EDARADD: variants seen among roughly 807,000 people sequenced by gnomAD.
EDARADD encodes EDAR associated via death domain.
EDARADD carries 20 observed loss-of-function variants against 25.6 expected under a neutral mutation model. The observed-to-expected ratio is 0.78, with a 90% confidence interval of 0.55 to 1.14. The LOEUF is 1.14. Ranked by LOEUF, EDARADD falls within the 50% of genes most tolerant of loss-of-function variation. The probability of loss-of-function intolerance (pLI) is 0.00; values close to 1 mark genes in which losing one functional copy is unlikely to be tolerated. For missense variants in EDARADD, 225 were observed against 270.1 expected, an observed-to-expected ratio of 0.83 and a Z score of 1.17; for synonymous variants, 86 against 94.4, an observed-to-expected ratio of 0.91 and a Z score of 0.52.
intron 5 of EDARADD, among the ~76,000 whole-genome samples, chr1:236,477,419 G>A (rs1056276628): frequency 6.6e-6 from 1 of 152,158 alleles, no homozygotes; most frequent in Admixed American, 6.5e-5. Context: ...GGAGGCTCAG[G>A]CAGGAGCAGA....
Position 236,483,080 on chromosome 1 carries a change from C to T in EDARADD, c.*431C>T. ...GCCATTCCCACGGTTTCAAAGAAAACAGCTACAAGGAATGCTTACCTGAGT... is the reference window on the plus strand; with the variant it reads ...GCCATTCCCACGGTTTCAAAGAAAATAGCTACAAGGAATGCTTACCTGAGT... On this transcript the variant is annotated 3_prime_UTR_variant, in exon 6 of 6. Transcript: ENST00000334232. 1 of 899,890 alleles carries T rather than the reference C, an allele frequency of 1.1e-6. No individual in the cohort carries two copies. Among genetic ancestry groups the T allele is most frequent in the Non-Finnish European group, 1.7e-6 (1 of 571,500 alleles). The allele number at this position is 899,890 out of a possible 1,614,324, so 55.7% of individuals were successfully genotyped here.
At chr1:236,459,545 G>A (rs375803684) in intron 4 of EDARADD, among the ~76,000 whole-genome samples, 2 of 151,494 alleles carry the variant, frequency 1.3e-5, no homozygotes, top group South Asian at 4.2e-4. Context: ...GAAACCCACA[G>A]GTTTGCTGTA....
intron 3 of EDARADD, among the ~76,000 whole-genome samples, chr1:236,372,071 C>G (rs756787903): frequency 2.6e-5 from 4 of 152,060 alleles, no homozygotes; most frequent in African/African-American, 7.2e-5. Flanking sequence ...ATTCTATTGT[C>G]TCAGCTTCCT....
At chr1:236,366,756 C>T (rs1351315544) in intron 3 of EDARADD, among the ~76,000 whole-genome samples, 1 of 94,098 alleles carries the variant, frequency 1.1e-5, no homozygotes, top group Admixed American at 1.0e-4. Context: ...TTTTGTCTCT[C>T]AGGGATCATT....
intron 4 of EDARADD, among the ~76,000 whole-genome samples, chr1:236,466,839 T>C (rs768046967): frequency 4.6e-5 from 7 of 152,150 alleles, no homozygotes; most frequent in South Asian, 2.1e-4. Flanking sequence ...GAGGCCAAGG[T>C]GGGCGGATCA....
intron 3 of EDARADD, among the ~76,000 whole-genome samples, chr1:236,353,896 T>A (rs922314915): frequency 3.9e-5 from 6 of 152,054 alleles, no homozygotes; most frequent in Admixed American, 2.6e-4. Flanking sequence ...AAAAGTTTTT[T>A]TTTGCAAGAG....
intron 5 of EDARADD, among the ~76,000 whole-genome samples, chr1:236,470,224 G>A (rs1451047330): frequency 6.6e-6 from 1 of 152,200 alleles, no homozygotes; most frequent in African/African-American, 2.4e-5. Flanking sequence ...ATGTTGGTAA[G>A]TATACCTTGC....
rs535630324 is a variant in EDARADD at position 236,398,313 on chromosome 1, T to C, written c.61+3808T>C. On this transcript the variant is annotated intron_variant, in intron 1 of 5. Transcript: ENST00000334232. This position sits in a 1 kb window ranked among gnomAD's most constrained non-coding sequence, Gnocchi z 4.1. ...CTAATTTTTTGTATTTTTAGGCTGG[T>C]CTCGAACTCCTGACCTCAAGTGATC... 6.6e-6 allele frequency among the ~76,000 whole-genome samples: 1 copy of C among 152,186 alleles called. No individual in the cohort carries two copies. Among genetic ancestry groups the C allele is most frequent in the East Asian group, 1.9e-4 (1 of 5,162 alleles).
At position 236,366,741 on chromosome 1, in the gene EDARADD, C is replaced by CTCTCTTTTTTTTTTT. The variant is rs146073425; in HGVS notation, c.-6+15903_-6+15904insCTCTTTTTTTTTTTT. ...CCTGGGTCAGAGAGCTCATCTCTCT[C>CTCTCTTTTTTTTTTT]TTTTTTTTGTCTCTCAGGGATCATT... On this transcript the variant is annotated intron_variant, in intron 3 of 7. Transcript: ENST00000439430. 5.5e-3 allele frequency among the ~76,000 whole-genome samples: 798 copies of CTCTCTTTTTTTTTTT among 144,210 alleles called. 9 individuals are homozygous for CTCTCTTTTTTTTTTT. The highest frequency in any genetic ancestry group is 0.018 in the African/African-American group (695 of 39,688). The allele number at this position is 144,210 out of a possible 152,430, so 94.6% of individuals were successfully genotyped here.
chr1:236,409,756 G>C (rs553943676), intron 2 of EDARADD, among the ~76,000 whole-genome samples: 1 of 151,364 alleles, frequency 6.6e-6, no homozygotes, highest in Non-Finnish European at 1.5e-5. Flanking sequence ...TAGAGTGGGG[G>C]TTTCACCATG....
chr1:236,483,815 C>T lies in EDARADD; in HGVS notation c.*1166C>T. The T allele has an allele frequency of 1.4e-6, 2 of 1,437,718 alleles. No homozygotes were observed. Among genetic ancestry groups the T allele is most frequent in the Middle Eastern group, 1.8e-4 (1 of 5,642 alleles). The allele number at this position is 1,437,718 out of a possible 1,614,324, so 89.1% of individuals were successfully genotyped here. On this transcript the variant is annotated 3_prime_UTR_variant, in exon 6 of 6. Coordinates refer to ENST00000334232, the MANE Select transcript of EDARADD (RefSeq NM_145861.4). ...ATGGAGGCGCGTTTGCTCCCAACAT[C>T]CTGGAGAATAAAGAAGGCCTGGAGC...
At chr1:236,414,845 C>G (rs1209964657) in intron 3 of EDARADD, among the ~76,000 whole-genome samples, 1 of 152,006 alleles carries the variant, frequency 6.6e-6, no homozygotes, top group Non-Finnish European at 1.5e-5. Flanking sequence ...TGCACTCCAG[C>G]CTGGGCAACA....
At chr1:236,408,484 G>A (rs549160071) in intron 1 of EDARADD, among the ~76,000 whole-genome samples, 3 of 152,140 alleles carry the variant, frequency 2.0e-5, no homozygotes, top group South Asian at 2.1e-4. Context: ...GATTACAGGC[G>A]TGAGCCACTG....
Position 236,454,084 on chromosome 1 carries a change from T to C in EDARADD, c.220-14147T>C, listed in dbSNP as rs369874884. On this transcript the variant is annotated intron_variant, in intron 4 of 5. Transcript: ENST00000334232. The stretch of plus-strand genomic sequence containing the variant: ...TTTTTGAGACAGAGTCTCGCTCTGT[T>C]GCCCAGGCTGGAGTGCAGTGGCGTG... Among the ~76,000 whole-genome samples the C allele has an allele frequency of 5.9e-5, 9 of 152,256 alleles. No homozygotes were observed. In the East Asian group the frequency reaches 1.7e-3, roughly 29 times the overall value.
intron 3 of EDARADD, among the ~76,000 whole-genome samples, chr1:236,363,593 A>T (rs1338514001): frequency 6.6e-6 from 1 of 151,592 alleles, no homozygotes; most frequent in Non-Finnish European, 1.5e-5. Context: ...ATTTTTACTT[A>T]AAAAAATAAG....
chr1:236,434,522 G>A (rs912325607), intron 4 of EDARADD, among the ~76,000 whole-genome samples: 4 of 152,202 alleles, frequency 2.6e-5, no homozygotes, highest in African/African-American at 9.6e-5. Flanking sequence ...TTATAGGCGT[G>A]AGCCACTGTG....
At chr1:236,350,252 C>T (rs1391996584) in intron 2 of EDARADD, among the ~76,000 whole-genome samples, 1 of 152,116 alleles carries the variant, frequency 6.6e-6, no homozygotes, top group Non-Finnish European at 1.5e-5. Flanking sequence ...TTTTGATTTT[C>T]TTCCTTGTTA....
At chr1:236,419,834 A>G (rs1657735426) in intron 3 of EDARADD, among the ~76,000 whole-genome samples, 1 of 152,232 alleles carries the variant, frequency 6.6e-6, no homozygotes, top group African/African-American at 2.4e-5. Flanking sequence ...GACAATGAAT[A>G]TACATGGTCC....
At chr1:236,416,251 G>A (rs1657638308) in intron 3 of EDARADD, among the ~76,000 whole-genome samples, 1 of 152,184 alleles carries the variant, frequency 6.6e-6, no homozygotes, top group Non-Finnish European at 1.5e-5. Flanking sequence ...ATCGAGAATG[G>A]TGCCTGGCAC....
Sources: gnomAD v4.1 joint callset for allele counts (sites outside exome capture counted in the v4.1 genomes callset) on GRCh38, gnomAD v4.1.1 for gene constraint, Gnocchi (gnomAD v3.1) non-coding constraint, MANE v1.5 for transcripts, NCBI Gene and HGNC (gene_info 2026-07-23, HGNC 2026-07-21) for gene names.